The following SMG5 variants were observed in gnomAD, a reference collection of about 807,000 sequenced individuals.
SMG5 encodes the protein nonsense-mediated mRNA decay factor SMG5.
Under a neutral mutation model 122.9 loss-of-function variants are expected in SMG5, and 53 were observed. That is an observed-to-expected ratio of 0.43 (90% confidence interval 0.35 to 0.54). The LOEUF (loss-of-function observed/expected upper bound fraction) is 0.54. SMG5 is among the 20% of genes least tolerant of loss of function. The probability of loss-of-function intolerance (pLI) is 0.01; values close to 1 mark genes in which losing one functional copy is unlikely to be tolerated. For synonymous variants in SMG5, 477 were observed against 490.2 expected (o/e 0.97, Z 0.35); for missense variants, 1,153 against 1,285.6 (o/e 0.90, Z 1.58).
At chr1:156,273,473 G>A (rs745539186) in intron 5 of SMG5, 23 bp from the exon 6 acceptor site, 2 of 1,608,666 alleles carry the variant, frequency 1.2e-6, no homozygotes, top group Non-Finnish European at 8.5e-7. Flanking sequence ...GAAAACGAAG[G>A]GAAACTCGAT....
chr1:156,266,774 C>A, intron 10 of SMG5, 96 bp from the exon 11 acceptor site: 2 of 1,349,010 alleles, frequency 1.5e-6, no homozygotes, highest in Non-Finnish European at 2.0e-6. Context: ...TCAACTCTTC[C>A]AAGGATCCAA....
intron 1 of SMG5, 108 bp downstream of exon 1, chr1:156,282,499 C>T: frequency 1.6e-6 from 2 of 1,245,372 alleles, no homozygotes; most frequent in Non-Finnish European, 2.2e-6. Flanking sequence ...CCTCCTTCCT[C>T]ACCCGCACCT....
At position 156,253,084 on chromosome 1, in the gene SMG5, G is replaced by T; in HGVS notation, c.2503-6C>A. The T allele has an allele frequency of 6.3e-7, 1 of 1,596,334 alleles. No individual in the cohort carries two copies. Among genetic ancestry groups the T allele is most frequent in the South Asian group, 1.1e-5 (1 of 88,564 alleles). On this transcript the variant is annotated splice_polypyrimidine_tract_variant and splice_region_variant and intron_variant, in intron 17 of 21. Transcript: ENST00000361813. ...TCCAGCTGAGACACTTCGAGCTGGT[G>T]AGAGAGGGCAAGGTGGGTACAGCTG... is the stretch of plus-strand genomic sequence containing the variant.
At chr1:156,264,228 AC>A (rs1380839917) in intron 12 of SMG5, among the ~76,000 whole-genome samples, 7 of 126,448 alleles carry the variant, frequency 5.5e-5, no homozygotes, top group African/African-American at 2.1e-4. Context: ...AGATTGCACC[AC>A]TGCACTCCAG....
chr1:156,268,951 G>A (rs1031646544), intron 7 of SMG5, among the ~76,000 whole-genome samples: 6 of 150,998 alleles, frequency 4.0e-5, no homozygotes, highest in Admixed American at 2.7e-4. Flanking sequence ...ACACATGGTA[G>A]AGAAAAGTCC....
intron 3 of SMG5, 86 bp from the exon 4 acceptor site, chr1:156,277,327 C>T: frequency 2.1e-6 from 3 of 1,435,170 alleles, no homozygotes; most frequent in Non-Finnish European, 2.8e-6. Flanking sequence ...TCTCACTTGG[C>T]TCTGGAACTT....
chr1:156,266,486 ATCCCCATGCCCC>A, intron 11 of SMG5, 43 bp downstream of exon 11: 1 of 1,611,602 alleles, frequency 6.2e-7, no homozygotes, highest in East Asian at 2.2e-5. Flanking sequence ...CCTTTCCTTC[ATCCCCATGCCCC>A]ACACCAACCT....
At chr1:156,262,510 C>T (rs981378883) in intron 13 of SMG5, among the ~76,000 whole-genome samples, 21 of 149,562 alleles carry the variant, frequency 1.4e-4, no homozygotes, top group Admixed American at 4.0e-4. Context: ...GAGAAAGCAG[C>T]GAAACCACAA....
chr1:156,269,286 C>G (rs1662293710), intron 7 of SMG5, among the ~76,000 whole-genome samples: 1 of 152,008 alleles, frequency 6.6e-6, no homozygotes, highest in African/African-American at 2.4e-5. Flanking sequence ...CATTTTTTAA[C>G]TTTTCTTTTG....
Position 156,278,920 on chromosome 1 carries a change from A to T in SMG5, c.173+16T>A. ...GGGAAACAGTAAGGATCTGTGGTTTAGAGTCTCTAGCTTACTTGTTCCTCA... is the reference window on the plus strand; with the variant it reads ...GGGAAACAGTAAGGATCTGTGGTTTTGAGTCTCTAGCTTACTTGTTCCTCA... On this transcript the variant is annotated intron_variant, in intron 2 of 21. Coordinates refer to ENST00000361813, the MANE Select transcript of SMG5 (RefSeq NM_015327.3). 6.2e-7 allele frequency: 1 copy of T among 1,600,656 alleles called. No individual in the cohort carries two copies. Among genetic ancestry groups the T allele is most frequent in the Non-Finnish European group, 8.6e-7 (1 of 1,167,718 alleles).
chr1:156,285,621 T>C (rs1663127481), upstream of SMG5: 1 of 1,614,192 alleles, frequency 6.2e-7, no homozygotes, highest in Non-Finnish European at 8.5e-7. Flanking sequence ...TTCGTGCCTA[T>C]TGACCTACAG....
chr1:156,274,870 C>T (rs919716098), intron 4 of SMG5, among the ~76,000 whole-genome samples, 184 bp from the exon 5 acceptor site: 3 of 151,994 alleles, frequency 2.0e-5, no homozygotes, highest in African/African-American at 4.8e-5. Context: ...GGTGGCCATA[C>T]GCAGGGACTC....
the SMG5 span, chr1:156,291,499 G>C: frequency 1.9e-6 from 3 of 1,612,626 alleles, no homozygotes; most frequent in Admixed American, 5.0e-5. Flanking sequence ...ACATGTTCGT[G>C]GTGGAGCCGG....
Position 156,250,081 on chromosome 1 carries a change from A to G in SMG5, c.*506T>C. Reference sequence around the variant, plus strand: ...GCCTGGTCCCCATAAAGGGGGCTGAAAGGAGGATGGGTGATCCTTGAGGAG... The same window carrying G: ...GCCTGGTCCCCATAAAGGGGGCTGAGAGGAGGATGGGTGATCCTTGAGGAG... On this transcript the variant is annotated 3_prime_UTR_variant, in exon 22 of 22. Coordinates refer to ENST00000361813, the MANE Select transcript of SMG5 (RefSeq NM_015327.3). 1 of 388,338 alleles carries G rather than the reference A, an allele frequency of 2.6e-6. No homozygotes were observed. The highest frequency in any genetic ancestry group is 2.1e-5 in the African/African-American group (1 of 47,816). The allele number at this position is 388,338 out of a possible 1,614,324, so 24.1% of individuals were successfully genotyped here.
intron 16 of SMG5, among the ~76,000 whole-genome samples, chr1:156,258,524 G>A (rs1350129250): frequency 2.0e-5 from 3 of 152,218 alleles, no homozygotes; most frequent in South Asian, 2.1e-4. Context: ...CAGGCCAGGC[G>A]TGGTGGCTCA....
In SMG5 at chr1:156,268,193, G is replaced by A; in HGVS notation, c.840-10C>T. 6.2e-7 allele frequency: 1 copy of A among 1,614,148 alleles called. No homozygotes were observed. The stretch of plus-strand genomic sequence containing the variant: ...TTTAATGTCTTTACATCTGAAATGA[G>A]AAGAGCCCAAAGTAAATGCTGAATG... On this transcript the variant is annotated splice_polypyrimidine_tract_variant and intron_variant, in intron 8 of 21. Coordinates refer to ENST00000361813, the MANE Select transcript of SMG5 (RefSeq NM_015327.3).
rs143152509 is a variant in SMG5 at position 156,266,153 on chromosome 1, T to C, written c.1483A>G (p.Ser495Gly). 28 of 1,614,112 alleles carry C rather than the reference T, an allele frequency of 1.7e-5. No individual in the cohort carries two copies. The African/African-American group carries it at 2.9e-4, about 17-fold the overall frequency. The change falls in exon 12 of 22, where the codon AGT becomes GGT. Residue 495 changes from serine (S) to glycine (G), a missense_variant. Physicochemically the swap from Ser to Gly is moderately conservative, Grantham distance 56 (BLOSUM62 0). Around this residue, in one of 5 missense-constraint regions of SMG5, gnomAD observed 631 missense variants for 650.6 expected, o/e 0.97. Coordinates refer to ENST00000361813, the MANE Select transcript of SMG5 (RefSeq NM_015327.3). Reference sequence around the variant, plus strand: ...CCTTCAAGACTCTTGTCAGAGCCACTGTCTGAGCCCTCACTGGCCCGGGCT... The same window carrying C: ...CCTTCAAGACTCTTGTCAGAGCCACCGTCTGAGCCCTCACTGGCCCGGGCT... ...DSARASEGSD[S>G]GSDKSLEGGG...
chr1:156,282,582 G>T, intron 1 of SMG5, 25 bp downstream of exon 1: 1 of 1,597,760 alleles, frequency 6.3e-7, no homozygotes. Flanking sequence ...CTCGGTGGCT[G>T]CTCTCACGCC....
At chr1:156,265,728 G>T (rs1202609499) in intron 12 of SMG5, 53 bp downstream of exon 12, 1 of 1,576,420 alleles carries the variant, frequency 6.3e-7, no homozygotes, top group Non-Finnish European at 8.6e-7. Flanking sequence ...TCTGGTGAGT[G>T]TCTATGGCAT....
Sources: gnomAD v4.1 joint callset for allele counts (sites outside exome capture counted in the v4.1 genomes callset) on GRCh38, gnomAD v4.1.1 for gene constraint, gnomAD v4.1.1 regional missense constraint, MANE v1.5 for transcripts, NCBI Gene and HGNC (gene_info 2026-07-23, HGNC 2026-07-21) for gene names.